Variants in COL19A1 observed in about 807,000 individuals in gnomAD.
The protein encoded by COL19A1 is collagen alpha-1(XIX) chain.
COL19A1 carries 159 observed loss-of-function variants against 190.2 expected under a neutral mutation model. That is an observed-to-expected ratio of 0.84 (90% CI 0.73 to 0.95). COL19A1 has a LOEUF of 0.95. COL19A1 is among the 40% of genes least tolerant of loss of function. The pLI, the probability that COL19A1 is intolerant of heterozygous loss-of-function variation, is 0.00. For missense variants in COL19A1, 1,418 were observed against 1,431.9 expected, an observed-to-expected ratio of 0.99 and a Z score of 0.16; for synonymous variants, 509 against 458.9, an observed-to-expected ratio of 1.11 and a Z score of -1.39.
At chr6:70,098,372 A>G (rs1438514082) in intron 15 of COL19A1, 2 of 500,790 alleles carry the variant, frequency 4.0e-6, no homozygotes, top group Non-Finnish European at 7.9e-6. Flanking sequence ...TTATTGTGTG[A>G]CTAATCATTG....
chr6:69,982,012 A>G (rs1776060377), intron 11 of COL19A1, among the ~76,000 whole-genome samples: 2 of 152,168 alleles, frequency 1.3e-5, no homozygotes, highest in African/African-American at 4.8e-5. Flanking sequence ...GGAGCATGAC[A>G]AACATAATGC....
intron 9 of COL19A1, among the ~76,000 whole-genome samples, chr6:69,952,565 A>G (rs1439502331): frequency 1.3e-5 from 2 of 151,964 alleles, no homozygotes; most frequent in Admixed American, 6.6e-5. Context: ...TGATAACATG[A>G]TGAGAGAGTG....
At chr6:70,189,620 A>G (rs1027833568) in intron 47 of COL19A1, among the ~76,000 whole-genome samples, 1 of 152,232 alleles carries the variant, frequency 6.6e-6, no homozygotes, top group Non-Finnish European at 1.5e-5. Context: ...ATAATAAAAC[A>G]TTACTGTTAT....
chr6:69,972,567 A>C (rs1775492615), intron 11 of COL19A1, among the ~76,000 whole-genome samples: 1 of 152,220 alleles, frequency 6.6e-6, no homozygotes, highest in Non-Finnish European at 1.5e-5. Flanking sequence ...CATTCAATTC[A>C]GTATCAACCC....
At position 70,163,458 on chromosome 6, in the gene COL19A1, C is replaced by G. The variant is rs866470918; in HGVS notation, c.2400+62C>G. The G allele has an allele frequency of 2.4e-5, 35 of 1,469,478 alleles. No individual in the cohort carries two copies. In the Middle Eastern group the frequency reaches 8.7e-4, roughly 36 times the overall value. 91.0% of individuals were successfully genotyped at this position (1,469,478 alleles called of 1,614,324 possible). ...GGCTTGGAGTGGGAGCAGGATGAGA[C>G]TCTTCACAGAGAGAGCCATAAAATC... is the stretch of plus-strand genomic sequence containing the variant. On this transcript the variant is annotated intron_variant, in intron 36 of 50. Transcript: ENST00000620364.
chr6:70,079,888 T>C (rs1256214464), intron 15 of COL19A1, among the ~76,000 whole-genome samples: 1 of 152,156 alleles, frequency 6.6e-6, no homozygotes, highest in Non-Finnish European at 1.5e-5. Context: ...TATATGTGAA[T>C]ACTCAACTAC....
At chr6:70,125,038 C>T (rs574887804) in intron 17 of COL19A1, among the ~76,000 whole-genome samples, 7 of 152,086 alleles carry the variant, frequency 4.6e-5, no homozygotes, top group Non-Finnish European at 8.8e-5. Flanking sequence ...ATGATGAGCA[C>T]GATGCATGTT....
At chr6:70,183,271 G>A (rs1179572248) in intron 44 of COL19A1, among the ~76,000 whole-genome samples, 1 of 152,166 alleles carries the variant, frequency 6.6e-6, no homozygotes, top group Non-Finnish European at 1.5e-5. Flanking sequence ...GAGGTAGGCA[G>A]AATGTACCCA....
At chr6:70,084,073 A>G (rs1172398026) in intron 15 of COL19A1, among the ~76,000 whole-genome samples, 1 of 152,178 alleles carries the variant, frequency 6.6e-6, no homozygotes, top group Non-Finnish European at 1.5e-5. Context: ...GATCCCTTTT[A>G]CACAAAGATT....
At chr6:69,914,250 T>C (rs2149990572) in intron 4 of COL19A1, among the ~76,000 whole-genome samples, 1 of 152,268 alleles carries the variant, frequency 6.6e-6, no homozygotes, top group East Asian at 1.9e-4. Context: ...TTTCAGAGTC[T>C]CTGTGGCTGT....
chr6:69,947,937 A>G (rs937726486), intron 9 of COL19A1, among the ~76,000 whole-genome samples: 3 of 151,884 alleles, frequency 2.0e-5, no homozygotes, highest in African/African-American at 7.2e-5. Flanking sequence ...TTGGGCTGCT[A>G]TCTTCTTGTA....
intron 33 of COL19A1, 85 bp downstream of exon 33, chr6:70,156,454 T>G: frequency 1.7e-6 from 2 of 1,179,638 alleles, no homozygotes; most frequent in Non-Finnish European, 2.5e-6. Flanking sequence ...TAGACAACTT[T>G]TAAAATACAT....
rs183895175 is a variant in COL19A1 at position 69,938,967 on chromosome 6, A to G, written c.936+867A>G. On this transcript the variant is annotated intron_variant, in intron 9 of 50. Coordinates refer to ENST00000620364, the MANE Select transcript of COL19A1 (RefSeq NM_001858.6). The stretch of plus-strand genomic sequence containing the variant: ...CCTGCCTTAACTTGGGAAGTCCATG[A>G]TTCTAAATTATTTGTATAATCTATT... Among the ~76,000 whole-genome samples, 211 of 152,256 alleles carry G rather than the reference A, an allele frequency of 1.4e-3. 1 individual carries two copies. The highest frequency in any genetic ancestry group is 7.4e-5 in the Non-Finnish European group (5 of 68,006).
intron 11 of COL19A1, among the ~76,000 whole-genome samples, chr6:70,003,341 A>T (rs1381711134): frequency 6.6e-6 from 1 of 152,210 alleles, no homozygotes; most frequent in Non-Finnish European, 1.5e-5. Context: ...AAGAAAGTAT[A>T]TTCTGTTGAT....
intron 9 of COL19A1, among the ~76,000 whole-genome samples, chr6:69,952,586 A>T (rs1175391437): frequency 1.3e-5 from 2 of 151,954 alleles, no homozygotes; most frequent in Non-Finnish European, 2.9e-5. Flanking sequence ...GCCAAGCTGC[A>T]TGTCTTAAAA....
chr6:70,018,318 A>G (rs1294486668), intron 11 of COL19A1, among the ~76,000 whole-genome samples: 1 of 152,140 alleles, frequency 6.6e-6, no homozygotes, highest in Non-Finnish European at 1.5e-5. Flanking sequence ...TGAGAGTAAA[A>G]GCAGAAGTCA....
At chr6:70,030,448 C>T (rs567352031) in intron 12 of COL19A1, among the ~76,000 whole-genome samples, 85 of 152,258 alleles carry the variant, frequency 5.6e-4, no homozygotes, top group African/African-American at 1.9e-3. Flanking sequence ...CTGTGTGGTT[C>T]ACTATATACT....
intron 15 of COL19A1, among the ~76,000 whole-genome samples, chr6:70,068,982 A>C (rs1781405012): frequency 6.6e-6 from 1 of 152,114 alleles, no homozygotes; most frequent in Non-Finnish European, 1.5e-5. Flanking sequence ...TTTCTAGTGC[A>C]GTTCAATTTC....
At chr6:69,895,482 GGTGA>G (rs1331259754) in intron 2 of COL19A1, among the ~76,000 whole-genome samples, 2 of 152,222 alleles carry the variant, frequency 1.3e-5, no homozygotes, top group Admixed American at 6.5e-5. Flanking sequence ...CAATTTGAAT[GGTGA>G]GTAAGACAGG....
Sources: gnomAD v4.1 joint callset for allele counts (sites outside exome capture counted in the v4.1 genomes callset) on GRCh38, gnomAD v4.1.1 for gene constraint, MANE v1.5 for transcripts, NCBI Gene and HGNC (gene_info 2026-07-23, HGNC 2026-07-21) for gene names.